The following LARS1 variants were observed in gnomAD, a reference collection of about 807,000 sequenced individuals.
The protein encoded by LARS1 is leucine--tRNA ligase, cytoplasmic.
Under a neutral mutation model 162.8 loss-of-function variants are expected in LARS1, and 100 were observed. The ratio of observed to expected loss-of-function variants is 0.61; its 90% CI spans 0.52 to 0.73. LARS1 has a LOEUF of 0.73. Ranked by LOEUF, LARS1 falls within the 30% of genes least tolerant of loss-of-function variation. The pLI, the probability that LARS1 is intolerant of heterozygous loss-of-function variation, is 0.00. For synonymous variants in LARS1, 457 were observed against 462.8 expected (o/e 0.99, Z 0.16); for missense variants, 1,258 against 1,408.9 (o/e 0.89, Z 1.71).
Position 146,182,566 on chromosome 5 carries a change from C to T in LARS1, c.-73G>A. 1.2e-6 allele frequency: 2 copies of T among 1,605,150 alleles called. No homozygotes were observed. Among genetic ancestry groups the T allele is most frequent in the Non-Finnish European group, 8.5e-7 (1 of 1,171,994 alleles). ...CCTCCACAAAGGAGTGGTTACCTTT[C>T]CCCTCCCTCTCGGGGATGCCAGGCC... is the stretch of plus-strand genomic sequence containing the variant. On this transcript the variant is annotated 5_prime_UTR_variant, in exon 1 of 32. Transcript: ENST00000394434.
Position 146,143,395 on chromosome 5 carries a change from C to T in LARS1, c.1877+17G>A, listed in dbSNP as rs1160774308. ...TTACTGACAAATTATGCTCCTTTCC[C>T]TTATCTGTTTACCAACCTAATGCCC... On this transcript the variant is annotated intron_variant, in intron 19 of 31. Coordinates refer to ENST00000394434, the MANE Select transcript of LARS1 (RefSeq NM_020117.11). 1.9e-6 allele frequency: 3 copies of T among 1,605,376 alleles called. No individual in the cohort carries two copies. The highest frequency in any genetic ancestry group is 2.6e-6 in the Non-Finnish European group (3 of 1,174,784).
intron 5 of LARS1, among the ~76,000 whole-genome samples, chr5:146,164,933 G>A (rs1391395175): frequency 6.6e-6 from 1 of 152,158 alleles, no homozygotes; most frequent in Non-Finnish European, 1.5e-5. Context: ...ACACTATAAT[G>A]AGGCAGCATA....
intron 28 of LARS1, among the ~76,000 whole-genome samples, chr5:146,124,962 G>C (rs1267872002): frequency 1.7e-4 from 26 of 151,446 alleles, no homozygotes; most frequent in East Asian, 1.9e-4. Flanking sequence ...ATTTAAATGA[G>C]ATCCTAAAGA....
chr5:146,182,574 T>G lies in LARS1; in HGVS notation c.-81A>C. 1 of 1,579,888 alleles carries G rather than the reference T, an allele frequency of 6.3e-7. No homozygotes were observed. Among genetic ancestry groups the G allele is most frequent in the Non-Finnish European group, 8.7e-7 (1 of 1,149,464 alleles). ...AAGGAGTGGTTACCTTTCCCCTCCC[T>G]CTCGGGGATGCCAGGCCTCCCACGA... On this transcript the variant is annotated 5_prime_UTR_variant, in exon 1 of 32. Transcript: ENST00000394434.
chr5:146,149,603 A>T lies in LARS1; in HGVS notation c.1503+19T>A. 1 of 1,580,656 alleles carries T rather than the reference A, an allele frequency of 6.3e-7. No individual in the cohort carries two copies. Among genetic ancestry groups the T allele is most frequent in the Non-Finnish European group, 8.7e-7 (1 of 1,149,698 alleles). On this transcript the variant is annotated intron_variant, in intron 15 of 31. Coordinates refer to ENST00000394434, the MANE Select transcript of LARS1 (RefSeq NM_020117.11). ...ACAGCTCTTCTAAAACAGCCTTCAG[A>T]GCATAGCCTATCACATACAGCGTCA...
At chr5:146,130,499 A>C in intron 24 of LARS1, 1 of 230,318 alleles carries the variant, frequency 4.3e-6, no homozygotes, top group Non-Finnish European at 8.3e-6. Context: ...AATACAACAC[A>C]TTGCTATGCC....
chr5:146,136,630 C>T (rs1462299942), intron 21 of LARS1, among the ~76,000 whole-genome samples: 1 of 152,028 alleles, frequency 6.6e-6, no homozygotes, highest in Non-Finnish European at 1.5e-5. Context: ...TACAGGCGCG[C>T]ACCATCATGC....
chr5:146,136,939 C>T (rs116715284), intron 21 of LARS1, among the ~76,000 whole-genome samples: 18 of 152,190 alleles, frequency 1.2e-4, no homozygotes, highest in South Asian at 4.2e-4. Flanking sequence ...TCACTCTTGT[C>T]GCGCAAGGCC....
chr5:146,127,959 G>T (rs1484636054), intron 27 of LARS1, among the ~76,000 whole-genome samples: 1 of 152,036 alleles, frequency 6.6e-6, no homozygotes, highest in Non-Finnish European at 1.5e-5. Flanking sequence ...ACCACAATCC[G>T]TATTTTGTCT....
intron 26 of LARS1, 28 bp downstream of exon 26, chr5:146,128,949 CT>C: frequency 1.9e-6 from 3 of 1,543,208 alleles, no homozygotes; most frequent in Non-Finnish European, 1.7e-6. Flanking sequence ...AGGAATAATC[CT>C]TTAAAAAAAA....
chr5:146,121,268 T>C (rs1389173549), intron 30 of LARS1, among the ~76,000 whole-genome samples: 5 of 152,096 alleles, frequency 3.3e-5, no homozygotes, highest in Non-Finnish European at 7.4e-5. Context: ...TGCTGGGTTT[T>C]CAAATGTGGC....
In LARS1 at chr5:146,149,672, G is replaced by T. The variant is rs760530523; in HGVS notation, c.1453C>A (p.Gln485Lys). The stretch of plus-strand genomic sequence containing the variant: ...GTCTTCTTTACATCTTGAACCTTCT[G>T]TCCTTTAAATCCATCCACCAACATG... ...GIMLVDGFKG[Q>K]KVQDVKKTIQ... The change falls in exon 15 of 32, where the codon CAG (glutamine) becomes AAG (lysine). Residue 485 changes from glutamine (Q) to lysine (K), a missense_variant. Gln to Lys is a moderately conservative substitution (Grantham distance 53). Transcript: ENST00000394434. 1.2e-6 allele frequency: 2 copies of T among 1,612,472 alleles called. No individual in the cohort carries two copies.
Position 146,160,360 on chromosome 5 carries a change from T to C in LARS1, c.707+14A>G, listed in dbSNP as rs909970848. Reference sequence around the variant, plus strand: ...TGATTTTTGCTTTATTATGCTCAAGTATAACAAACTTACCGCTTCCCAAAT... The same window carrying C: ...TGATTTTTGCTTTATTATGCTCAAGCATAACAAACTTACCGCTTCCCAAAT... On this transcript the variant is annotated intron_variant, in intron 7 of 31. Transcript: ENST00000394434. The C allele has an allele frequency of 7.0e-7, 1 of 1,425,976 alleles. No homozygotes were observed. Among genetic ancestry groups the C allele is most frequent in the African/African-American group, 1.4e-5 (1 of 70,346 alleles). 88.3% of individuals were successfully genotyped at this position (1,425,976 alleles called of 1,614,324 possible).
chr5:146,182,425 AG>A, intron 1 of LARS1, 62 bp downstream of exon 1: 1 of 1,603,764 alleles, frequency 6.2e-7, no homozygotes, highest in Non-Finnish European at 8.5e-7. Context: ...GCACATGGAG[AG>A]CCCCTAGAGA....
At position 146,177,626 on chromosome 5, in the gene LARS1, T is replaced by A; in HGVS notation, c.46A>T (p.Ile16Phe). ...CATTTCTGTTGGATTTCTTTCTCAATCTTCTTCAAAAAGTCCACTTTGGCT... is the reference window on the plus strand; with the variant it reads ...CATTTCTGTTGGATTTCTTTCTCAAACTTCTTCAAAAAGTCCACTTTGGCT... ...GTAKVDFLKK[I>F]EKEIQQKWDT... The change falls in exon 2 of 32, where the codon ATT becomes TTT. Residue 16 changes from isoleucine to phenylalanine, a missense_variant. Transcript: ENST00000394434. The A allele has an allele frequency of 6.2e-7, 1 of 1,607,280 alleles. No individual in the cohort carries two copies. Among genetic ancestry groups the A allele is most frequent in the Non-Finnish European group, 8.5e-7 (1 of 1,175,272 alleles).
chr5:146,167,171 A>G (rs1193807223), intron 5 of LARS1, among the ~76,000 whole-genome samples: 4 of 152,220 alleles, frequency 2.6e-5, no homozygotes, highest in African/African-American at 9.6e-5. Flanking sequence ...ACTAACTGCA[A>G]TGTGGGATCC....
In LARS1 at chr5:146,145,436, T is replaced by C. The variant is rs140245318; in HGVS notation, c.1504-727A>G. Among the ~76,000 whole-genome samples, 17 of 152,080 alleles carry C rather than the reference T, an allele frequency of 1.1e-4. No individual in the cohort carries two copies. In the East Asian group the frequency reaches 1.5e-3, roughly 14 times the overall value. On this transcript the variant is annotated intron_variant, in intron 15 of 31. Coordinates refer to ENST00000394434, the MANE Select transcript of LARS1 (RefSeq NM_020117.11). ...TACTGCTTAAGAAAAAAAAAAGATATACAAAGACTAAACATAGAAAATCTT... is the reference window on the plus strand; with the variant it reads ...TACTGCTTAAGAAAAAAAAAAGATACACAAAGACTAAACATAGAAAATCTT...
chr5:146,143,763 C>A (rs973923647), intron 18 of LARS1, among the ~76,000 whole-genome samples: 4 of 152,022 alleles, frequency 2.6e-5, no homozygotes, highest in Admixed American at 1.3e-4. Context: ...CTTTGGGAGG[C>A]CAAGGCAGGT....
rs776001631 is a variant in LARS1 at position 146,182,519 on chromosome 5, T to C, written c.-26A>G. ...TGCACCGCCCAGCCGACTGTGCAAA[T>C]CCACGACAATGACCCTGGCGACCTC... On this transcript the variant is annotated 5_prime_UTR_variant, in exon 1 of 32. Transcript: ENST00000394434. 5 of 1,613,702 alleles carry C rather than the reference T, an allele frequency of 3.1e-6. No individual in the cohort carries two copies. The highest frequency in any genetic ancestry group is 3.4e-6 in the Non-Finnish European group (4 of 1,179,898).
Sources: allele counts gnomAD v4.1 joint callset (sites outside exome capture counted in the v4.1 genomes callset), GRCh38; gene constraint gnomAD v4.1.1; transcripts MANE v1.5; gene names NCBI Gene and HGNC (gene_info 2026-07-23, HGNC 2026-07-21).